PLXDC2: variants seen among roughly 807,000 people sequenced by gnomAD.
The protein encoded by PLXDC2 is plexin domain-containing protein 2.
A neutral mutation model predicts 68.9 loss-of-function variants in PLXDC2; 40 were observed. The observed-to-expected ratio is 0.58, with a 90% CI of 0.45 to 0.76. The LOEUF is 0.76. PLXDC2 is among the 30% of genes least tolerant of loss of function. The pLI is 0.00. For missense variants in PLXDC2, 644 were observed against 661.9 expected (o/e 0.97, Z 0.30); for synonymous variants, 243 against 234.2 (o/e 1.04, Z -0.34).
intron 4 of PLXDC2, among the ~76,000 whole-genome samples, chr10:20,140,244 A>G (rs556575484): frequency 6.6e-6 from 1 of 152,136 alleles, no homozygotes; most frequent in Non-Finnish European, 1.5e-5. Flanking sequence ...TCTTGCAGTG[A>G]GCAGAGATCG....
chr10:20,092,100 A>G (rs1367591859), intron 4 of PLXDC2, among the ~76,000 whole-genome samples: 6 of 152,232 alleles, frequency 3.9e-5, no homozygotes, highest in African/African-American at 1.4e-4. Context: ...ACATATGGAC[A>G]ATTTAACAAA....
At chr10:19,982,137 A>G (rs910530963) in intron 1 of PLXDC2, among the ~76,000 whole-genome samples, 1 of 152,252 alleles carries the variant, frequency 6.6e-6, no homozygotes. Flanking sequence ...TTCCCCAAAG[A>G]GTAAATGCAT....
chr10:20,204,543 A>T (rs1390824137), intron 9 of PLXDC2, among the ~76,000 whole-genome samples: 4 of 152,188 alleles, frequency 2.6e-5, no homozygotes, highest in African/African-American at 9.7e-5. Flanking sequence ...ATCCTGATAA[A>T]TACCCTAAGG....
At chr10:19,836,385 C>T (rs1836793635) in intron 1 of PLXDC2, among the ~76,000 whole-genome samples, 1 of 152,132 alleles carries the variant, frequency 6.6e-6, no homozygotes, top group South Asian at 2.1e-4. Context: ...ACTGTCTCAA[C>T]AAAAATGATC....
At chr10:20,174,603 A>G (rs1252049632) in intron 7 of PLXDC2, among the ~76,000 whole-genome samples, 2 of 152,008 alleles carry the variant, frequency 1.3e-5, no homozygotes, top group East Asian at 3.9e-4. Context: ...AGTGGAAAAA[A>G]AGACACAGGA....
At chr10:20,209,779 C>T (rs1835043985) in intron 9 of PLXDC2, among the ~76,000 whole-genome samples, 2 of 152,126 alleles carry the variant, frequency 1.3e-5, no homozygotes, top group African/African-American at 4.8e-5. Context: ...CGACATACAT[C>T]CTCCTCAGCT....
Position 20,068,167 on chromosome 10 carries a change from CAG to C in PLXDC2, c.474_475del. The C allele has an allele frequency of 6.2e-7, 1 of 1,610,752 alleles. No homozygotes were observed. Among genetic ancestry groups the C allele is most frequent in the Non-Finnish European group, 8.5e-7 (1 of 1,177,500 alleles). On this transcript the variant is annotated splice_acceptor_variant, in intron 3 of 13. Transcript: ENST00000377252. LOFTEE classifies it high-confidence loss of function. ...TTTTTTTCTCTGGTGTTGTTCTTTG[CAG>C]AGAGTGAATCTGTCCTTCGATTTTC...
intron 1 of PLXDC2, among the ~76,000 whole-genome samples, chr10:19,979,616 C>T (rs1406038208): frequency 6.6e-6 from 1 of 152,202 alleles, no homozygotes; most frequent in Non-Finnish European, 1.5e-5. Context: ...AAGTAATCCA[C>T]CTGCCTCAGC....
chr10:20,137,031 T>G (rs1244467360), intron 4 of PLXDC2, among the ~76,000 whole-genome samples: 1 of 152,170 alleles, frequency 6.6e-6, no homozygotes, highest in Non-Finnish European at 1.5e-5. Flanking sequence ...ACCCTCAGGT[T>G]TTTGTTATCT....
At chr10:20,200,219 T>C (rs549576563) in intron 9 of PLXDC2, among the ~76,000 whole-genome samples, 14 of 151,998 alleles carry the variant, frequency 9.2e-5, no homozygotes, top group Admixed American at 5.9e-4. Flanking sequence ...TCTTAGTGTA[T>C]AGAAATGTTT....
intron 1 of PLXDC2, among the ~76,000 whole-genome samples, chr10:19,877,622 C>T (rs545172628): frequency 6.6e-6 from 1 of 152,220 alleles, no homozygotes; most frequent in East Asian, 1.9e-4. Context: ...AAGTATGTAT[C>T]CAAGGGCCAT....
At position 20,237,878 on chromosome 10, in the gene PLXDC2, A is replaced by G. The variant is rs116039267; in HGVS notation, c.1313-7467A>G. On this transcript the variant is annotated intron_variant, in intron 12 of 13. Transcript: ENST00000377252. The stretch of plus-strand genomic sequence containing the variant: ...TGTTTCATTTTAAGCCCAGGAGAAG[A>G]GTTAGTTCTAAAGTGAATAAAATTT... Among the ~76,000 whole-genome samples the G allele has an allele frequency of 5.3e-3, 801 of 152,256 alleles. 12 individuals are homozygous for G. Among genetic ancestry groups the G allele is most frequent in the African/African-American group, 0.016 (657 of 41,556 alleles).
At chr10:19,960,760 A>G (rs1284012554) in intron 1 of PLXDC2, among the ~76,000 whole-genome samples, 2 of 152,224 alleles carry the variant, frequency 1.3e-5, no homozygotes, top group Non-Finnish European at 2.9e-5. Context: ...TCCATATTAC[A>G]ATAAACATTT....
At chr10:20,187,300 TTTCA>T (rs1247828375) in intron 9 of PLXDC2, among the ~76,000 whole-genome samples, 3 of 151,828 alleles carry the variant, frequency 2.0e-5, no homozygotes, top group Non-Finnish European at 4.4e-5. Flanking sequence ...ATGGACCCAA[TTTCA>T]GTAGTTCTCA....
At chr10:20,119,087 G>T (rs957912211) in intron 4 of PLXDC2, among the ~76,000 whole-genome samples, 8 of 152,142 alleles carry the variant, frequency 5.3e-5, no homozygotes, top group African/African-American at 1.9e-4. Context: ...CCATGAACCT[G>T]AGGGTAGAGG....
intron 4 of PLXDC2, among the ~76,000 whole-genome samples, chr10:20,090,586 G>A (rs562288875): frequency 2.0e-5 from 3 of 151,954 alleles, no homozygotes; most frequent in Non-Finnish European, 4.4e-5. Context: ...AATATTTAAG[G>A]TACATTTAAT....
chr10:20,146,508 CT>C (rs1374181179), intron 5 of PLXDC2, among the ~76,000 whole-genome samples: 4 of 142,296 alleles, frequency 2.8e-5, no homozygotes, highest in African/African-American at 7.8e-5. Context: ...TCCTTCCTTC[CT>C]TCCTTCCTTC....
intron 4 of PLXDC2, among the ~76,000 whole-genome samples, chr10:20,142,034 T>C (rs1023940291): frequency 2.4e-4 from 36 of 151,990 alleles, no homozygotes; most frequent in African/African-American, 7.5e-4. Context: ...AAAGAAGATA[T>C]TGCCAAAAAG....
At chr10:20,246,727 CA>C (rs1482713423) in intron 13 of PLXDC2, among the ~76,000 whole-genome samples, 4 of 152,130 alleles carry the variant, frequency 2.6e-5, no homozygotes, top group Non-Finnish European at 5.9e-5. Context: ...AATACTAAAG[CA>C]ATAAAAGAAA....
Sources: allele counts gnomAD v4.1 joint callset (sites outside exome capture counted in the v4.1 genomes callset), GRCh38; gene constraint gnomAD v4.1.1; transcripts MANE v1.5; gene names NCBI Gene and HGNC (gene_info 2026-07-23, HGNC 2026-07-21).